PALS2: variants seen among roughly 807,000 people sequenced by gnomAD.
PALS2 encodes protein associated with LIN7 2, MAGUK p55 family member, also known as protein PALS2.
A neutral mutation model predicts 61.6 loss-of-function variants in PALS2; 27 were observed. The ratio of observed to expected loss-of-function variants is 0.44; its 90% CI spans 0.32 to 0.60. The LOEUF is 0.60. PALS2 is among the 20% of genes least tolerant of loss of function. The probability of loss-of-function intolerance (pLI) is 0.05; values close to 1 mark genes in which losing one functional copy is unlikely to be tolerated. For missense variants in PALS2, 554 were observed against 639.4 expected, an observed-to-expected ratio of 0.87 and a Z score of 1.44; for synonymous variants, 236 against 218.6, an observed-to-expected ratio of 1.08 and a Z score of -0.70.
chr7:24,667,173 A>G (rs1215850180), intron 8 of PALS2, among the ~76,000 whole-genome samples: 1 of 152,158 alleles, frequency 6.6e-6, no homozygotes, highest in Non-Finnish European at 1.5e-5. Flanking sequence ...GTAATATAAT[A>G]TTTCAAATCA....
intron 1 of PALS2, among the ~76,000 whole-genome samples, chr7:24,622,660 G>A (rs992521964): frequency 5.4e-5 from 8 of 149,364 alleles, no homozygotes; most frequent in African/African-American, 2.0e-4. Context: ...TAGTCTGGAT[G>A]CCTTTTCTTT....
intron 2 of PALS2, among the ~76,000 whole-genome samples, chr7:24,627,426 A>C (rs1784795242): frequency 6.6e-6 from 1 of 151,842 alleles, no homozygotes; most frequent in South Asian, 2.1e-4. Context: ...ATCTAAAATC[A>C]ACACCCTAAC....
In PALS2 at chr7:24,607,413, C is replaced by G. The variant is rs1354097334; in HGVS notation, c.-2-16253C>G. On this transcript the variant is annotated intron_variant, in intron 1 of 11. Transcript: ENST00000222644. ...ATTGAAAAATCATGTATCCTTTGAT[C>G]TAGGAATTCTACTTTTAGCTCTTAG... is the stretch of plus-strand genomic sequence containing the variant. Among the ~76,000 whole-genome samples, 4 of 151,796 alleles carry G rather than the reference C, an allele frequency of 2.6e-5. No homozygotes were observed. The South Asian group carries it at 6.2e-4, about 24-fold the overall frequency.
chr7:24,644,429 G>C (rs932878868), intron 3 of PALS2, among the ~76,000 whole-genome samples: 1 of 152,076 alleles, frequency 6.6e-6, no homozygotes, highest in Admixed American at 6.6e-5. Flanking sequence ...TGCCACAAAA[G>C]ACATGATCTC....
intron 1 of PALS2, among the ~76,000 whole-genome samples, chr7:24,577,030 A>G (rs527941412): frequency 6.6e-6 from 1 of 152,310 alleles, no homozygotes; most frequent in East Asian, 1.9e-4. Context: ...AATAATAATG[A>G]ACTCAGTAAA....
At chr7:24,656,733 A>G (rs1786438070) in intron 5 of PALS2, among the ~76,000 whole-genome samples, 1 of 151,900 alleles carries the variant, frequency 6.6e-6, no homozygotes, top group Admixed American at 6.6e-5. Context: ...GGGTTTCGCT[A>G]CATTGTCTAG....
chr7:24,656,618 G>A (rs1347878918), intron 5 of PALS2, among the ~76,000 whole-genome samples: 4 of 152,016 alleles, frequency 2.6e-5, no homozygotes, highest in African/African-American at 7.2e-5. Context: ...GCCTCCCAGG[G>A]CTCAGATAAT....
chr7:24,611,619 A>G (rs910421307), intron 1 of PALS2, among the ~76,000 whole-genome samples: 1 of 151,994 alleles, frequency 6.6e-6, no homozygotes, highest in East Asian at 1.9e-4. Context: ...ATTTAATTAT[A>G]TAGGTTTATC....
intron 5 of PALS2, chr7:24,663,358 T>TG (rs1786837698): frequency 3.1e-6 from 1 of 321,648 alleles, no homozygotes; most frequent in Non-Finnish European, 5.6e-6. Context: ...ATCAAACTCT[T>TG]GTTGATTTAA....
intron 1 of PALS2, among the ~76,000 whole-genome samples, chr7:24,587,464 A>G (rs1783114377): frequency 6.6e-6 from 1 of 151,780 alleles, no homozygotes; most frequent in Admixed American, 6.6e-5. Context: ...TGCAACCTTA[A>G]ATTTCTGGGC....
At chr7:24,638,110 C>A (rs1272651415) in intron 2 of PALS2, among the ~76,000 whole-genome samples, 1 of 151,494 alleles carries the variant, frequency 6.6e-6, no homozygotes, top group Non-Finnish European at 1.5e-5. Context: ...TAAAAAAAAT[C>A]TGACCTTAAA....
At chr7:24,683,749 A>G (rs1788054977) in intron 11 of PALS2, among the ~76,000 whole-genome samples, 1 of 152,104 alleles carries the variant, frequency 6.6e-6, no homozygotes, top group South Asian at 2.1e-4. Flanking sequence ...TTTTATGTGG[A>G]CAGTGCTAGC....
Position 24,655,630 on chromosome 7 carries a change from A to ATTTTTTT in PALS2, c.651+4936_651+4942dup, listed in dbSNP as rs770410952. Among the ~76,000 whole-genome samples the ATTTTTTT allele has an allele frequency of 6.2e-5, 6 of 96,922 alleles. 1 individual carries two copies. The highest frequency in any genetic ancestry group is 1.2e-4 in the African/African-American group (3 of 24,754). The allele number at this position is 96,922 out of a possible 152,430, so 63.6% of individuals were successfully genotyped here. A position where few individuals can be genotyped will look rare whatever the true frequency, so the allele number is the denominator to read the frequency against. On this transcript the variant is annotated intron_variant, in intron 5 of 11. Coordinates refer to ENST00000222644, the MANE Select transcript of PALS2 (RefSeq NM_001303037.2). ...TTTGGCCTAGGTTAGTAGTTAGTAGATTTTTTTTTTTTTTTTTTTTTTTTG... is the reference window on the plus strand; with the variant it reads ...TTTGGCCTAGGTTAGTAGTTAGTAGATTTTTTTTTTTTTTTTTTTTTTTTTTTTTTTG...
In PALS2 at chr7:24,596,400, T is replaced by G. The variant is rs11766193; in HGVS notation, c.-3+22807T>G. ...TTTTGTAAGTATATATATAAAGTAT[T>G]ATTTTGAAAACAGACCCTATCAATG... On this transcript the variant is annotated intron_variant, in intron 1 of 11. Transcript: ENST00000222644. This position sits in a 1 kb window ranked among gnomAD's most constrained non-coding sequence, Gnocchi z 4.5. Among the ~76,000 whole-genome samples, 21,836 of 152,094 alleles carry G rather than the reference T, an allele frequency of 0.14. 2,059 individuals carry two copies. Among genetic ancestry groups the G allele is most frequent in the East Asian group, 0.47 (2,442 of 5,158 alleles).
chr7:24,638,323 T>TAGTGAGA (rs1583920138), intron 2 of PALS2, among the ~76,000 whole-genome samples: 1 of 6,900 alleles, frequency 1.4e-4, no homozygotes, highest in Non-Finnish European at 2.6e-4. Context: ...CTGTATTTTC[T>TAGTGAGA]TTTTTTTTTT....
At chr7:24,664,073 T>C (rs932526755) in intron 6 of PALS2, among the ~76,000 whole-genome samples, 1 of 152,186 alleles carries the variant, frequency 6.6e-6, no homozygotes, top group Non-Finnish European at 1.5e-5. Flanking sequence ...TTATTTTAAG[T>C]AGGAGACTTT....
chr7:24,631,460 A>G (rs1489692074), intron 2 of PALS2, among the ~76,000 whole-genome samples: 1 of 152,228 alleles, frequency 6.6e-6, no homozygotes, highest in African/African-American at 2.4e-5. Context: ...GTCTCTTCAG[A>G]TTGAATCTAT....
chr7:24,654,462 C>T (rs1413190464), intron 5 of PALS2, among the ~76,000 whole-genome samples: 1 of 152,134 alleles, frequency 6.6e-6, no homozygotes, highest in Non-Finnish European at 1.5e-5. Flanking sequence ...AACTCAATTG[C>T]ATTTCTGTAT....
intron 1 of PALS2, 47 bp from the exon 2 acceptor site, chr7:24,623,619 G>A: frequency 8.9e-7 from 1 of 1,126,664 alleles, no homozygotes; most frequent in Non-Finnish European, 1.2e-6. Flanking sequence ...AAGGGTTTTT[G>A]TTTGTTTGTT....
Sources: allele counts gnomAD v4.1 joint callset (sites outside exome capture counted in the v4.1 genomes callset), GRCh38; gene constraint gnomAD v4.1.1; non-coding constraint Gnocchi (gnomAD v3.1); transcripts MANE v1.5; gene names NCBI Gene and HGNC (gene_info 2026-07-23, HGNC 2026-07-21).